UBR2: variants seen among roughly 807,000 people sequenced by gnomAD.
The protein encoded by UBR2 is ubiquitin protein ligase E3 component n-recognin 2.
In UBR2, 92 loss-of-function variants were observed where a neutral mutation model predicts 247.9. The observed-to-expected ratio is 0.37, with a 90% confidence interval of 0.31 to 0.44. UBR2 has a LOEUF of 0.44. Among genes scored for constraint, UBR2 ranks in the 20% least tolerant of loss-of-function variants. The pLI, the probability that UBR2 is intolerant of heterozygous loss-of-function variation, is 1.00. For synonymous variants in UBR2, 672 were observed against 693.5 expected, an observed-to-expected ratio of 0.97 and a Z score of 0.49; for missense variants, 1,613 against 2,112.6, an observed-to-expected ratio of 0.76 and a Z score of 4.64.
In UBR2 at chr6:42,689,990, T is replaced by C. The variant is rs1799660614; in HGVS notation, c.5126+320T>C. 6.6e-6 allele frequency among the ~76,000 whole-genome samples: 1 copy of C among 152,240 alleles called. No homozygotes were observed. Among genetic ancestry groups the C allele is most frequent in the African/African-American group, 2.4e-5 (1 of 41,458 alleles). ...TCCAGGGATGGCCCACTCTGACTTG[T>C]ATGGCCTTGTATAGAGGAAGCCCAG... On this transcript the variant is annotated intron_variant, in intron 46 of 46. Coordinates refer to ENST00000372901, the MANE Select transcript of UBR2 (RefSeq NM_001363705.2). This position sits in a 1 kb window ranked among gnomAD's most constrained non-coding sequence, Gnocchi z 4.0.
At chr6:42,603,088 A>G (rs1480131568) in intron 4 of UBR2, among the ~76,000 whole-genome samples, 1 of 152,198 alleles carries the variant, frequency 6.6e-6, no homozygotes, top group African/African-American at 2.4e-5. Flanking sequence ...GAGAGAAAGT[A>G]GACAAGAGAG....
At chr6:42,592,318 C>T in intron 3 of UBR2, 89 bp downstream of exon 3, 1 of 1,059,356 alleles carries the variant, frequency 9.4e-7, no homozygotes. Context: ...AGATTTAACA[C>T]TAAAATGGGG....
At chr6:42,582,717 A>G (rs1229175768) in intron 2 of UBR2, among the ~76,000 whole-genome samples, 1 of 152,196 alleles carries the variant, frequency 6.6e-6, no homozygotes, top group Non-Finnish European at 1.5e-5. Flanking sequence ...AGAAAAAAAC[A>G]CAAGTCCTTA....
intron 15 of UBR2, among the ~76,000 whole-genome samples, chr6:42,639,195 A>C (rs1796280201): frequency 6.6e-6 from 1 of 152,226 alleles, no homozygotes; most frequent in Non-Finnish European, 1.5e-5. Context: ...AAGTTTTCCT[A>C]GATGAAGAAA....
intron 8 of UBR2, among the ~76,000 whole-genome samples, chr6:42,612,859 G>A (rs1794180683): frequency 6.6e-6 from 1 of 152,164 alleles, no homozygotes; most frequent in Non-Finnish European, 1.5e-5. Flanking sequence ...CTAGCACTTT[G>A]GGAGGCCAAG....
In UBR2 at chr6:42,613,562, A is replaced by G. The variant is rs965268111; in HGVS notation, c.985+1271A>G. ...ATATAGGGAGACCCCATCTCTATCT[A>G]AAATTTTTTTTAAAAGAAAATAAAT... On this transcript the variant is annotated intron_variant, in intron 8 of 46. Coordinates refer to ENST00000372901, the MANE Select transcript of UBR2 (RefSeq NM_001363705.2). 2.6e-5 allele frequency among the ~76,000 whole-genome samples: 4 copies of G among 152,250 alleles called. No homozygotes were observed. The East Asian group carries it at 5.8e-4, about 22-fold the overall frequency.
At chr6:42,690,088 TAAA>T (rs940744094) in intron 46 of UBR2, among the ~76,000 whole-genome samples, 1 of 152,178 alleles carries the variant, frequency 6.6e-6, no homozygotes, top group Non-Finnish European at 1.5e-5. Context: ...ATTTAAAACA[TAAA>T]GAACAATATA....
At chr6:42,665,178 C>T (rs951890784) in intron 32 of UBR2, among the ~76,000 whole-genome samples, 2 of 152,016 alleles carry the variant, frequency 1.3e-5, no homozygotes, top group African/African-American at 4.8e-5. Context: ...AATTCCAATA[C>T]TGAAGAGTGA....
intron 26 of UBR2, 101 bp from the exon 27 acceptor site, chr6:42,657,923 C>A: frequency 1.3e-6 from 1 of 761,124 alleles, no homozygotes; most frequent in Non-Finnish European, 2.2e-6. Flanking sequence ...AAATTATGGG[C>A]AATAGGTGTT....
chr6:42,580,082 C>T (rs956856199), intron 2 of UBR2, among the ~76,000 whole-genome samples: 1 of 152,030 alleles, frequency 6.6e-6, no homozygotes, highest in African/African-American at 2.4e-5. Flanking sequence ...AAGGAATACC[C>T]TGCACATGTT....
chr6:42,584,083 C>T (rs746522062), intron 2 of UBR2, among the ~76,000 whole-genome samples: 2 of 150,906 alleles, frequency 1.3e-5, no homozygotes, highest in Admixed American at 6.6e-5. Context: ...CCGCAATCTC[C>T]GCCTACTGGG....
intron 26 of UBR2, 66 bp from the exon 27 acceptor site, chr6:42,657,958 G>A (rs990071207): frequency 8.3e-7 from 1 of 1,206,274 alleles, no homozygotes; most frequent in African/African-American, 1.5e-5. Flanking sequence ...TTATGTTCCT[G>A]TGCGTAGGAA....
intron 44 of UBR2, among the ~76,000 whole-genome samples, chr6:42,686,120 C>T (rs963770910): frequency 1.3e-5 from 2 of 149,252 alleles, no homozygotes; most frequent in African/African-American, 4.9e-5. Context: ...TTGGGTGTTT[C>T]TCGGAGGGGG....
intron 10 of UBR2, chr6:42,617,178 A>G (rs950920232): frequency 1.5e-5 from 22 of 1,505,776 alleles, no homozygotes; most frequent in Non-Finnish European, 1.9e-5. Context: ...CTGACTTTTC[A>G]TTATAATCCT....
At chr6:42,647,967 C>A in intron 21 of UBR2, 151 bp from the exon 22 acceptor site, 1 of 508,944 alleles carries the variant, frequency 2.0e-6, no homozygotes, top group Non-Finnish European at 3.5e-6. Flanking sequence ...TTGTATTAAT[C>A]ATTGTATTTG....
In UBR2 at chr6:42,678,525, T is replaced by C; in HGVS notation, c.4479-14T>C. 1 of 1,598,014 alleles carries C rather than the reference T, an allele frequency of 6.3e-7. No homozygotes were observed. The highest frequency in any genetic ancestry group is 8.5e-7 in the Non-Finnish European group (1 of 1,176,210). On this transcript the variant is annotated splice_polypyrimidine_tract_variant and intron_variant, in intron 40 of 46. Coordinates refer to ENST00000372901, the MANE Select transcript of UBR2 (RefSeq NM_001363705.2). Reference sequence around the variant, plus strand: ...CTTAGTAGATTTCCCAATAATCTTTTTTTTCTTTTTTAGTGCCTTGAAAGA... The same window carrying C: ...CTTAGTAGATTTCCCAATAATCTTTCTTTTCTTTTTTAGTGCCTTGAAAGA...
intron 9 of UBR2, 132 bp from the exon 10 acceptor site, chr6:42,615,870 C>A: frequency 1.7e-6 from 1 of 595,762 alleles, no homozygotes. Flanking sequence ...CCAGCCTGGG[C>A]AACACAGCAA....
At chr6:42,688,163 G>T in intron 44 of UBR2, 53 bp from the exon 45 acceptor site, 1 of 1,611,442 alleles carries the variant, frequency 6.2e-7, no homozygotes, top group East Asian at 2.2e-5. Context: ...TTCATCACTA[G>T]CTCTTTAGCC....
intron 1 of UBR2, 53 bp downstream of exon 1, chr6:42,564,450 G>A (rs1406521091): frequency 1.3e-6 from 2 of 1,574,412 alleles, no homozygotes; most frequent in Non-Finnish European, 1.7e-6. Context: ...CCGCGCCTGT[G>A]GGGAGGAACC....
Sources: allele counts gnomAD v4.1 joint callset (sites outside exome capture counted in the v4.1 genomes callset), GRCh38; gene constraint gnomAD v4.1.1; non-coding constraint Gnocchi (gnomAD v3.1); transcripts MANE v1.5; gene names NCBI Gene and HGNC (gene_info 2026-07-23, HGNC 2026-07-21).